The following RAB8B variants were observed in gnomAD, a reference collection of about 807,000 sequenced individuals.
RAB8B encodes the protein RAB8B, member RAS oncogene family, also known as ras-related protein Rab-8B.
In RAB8B, 11 loss-of-function variants were observed where a neutral mutation model predicts 32.0. The observed-to-expected ratio is 0.34, with a 90% CI of 0.22 to 0.57. The LOEUF is 0.57. Among genes scored for constraint, RAB8B ranks in the 20% least tolerant of loss-of-function variants. The pLI, the probability that RAB8B is intolerant of heterozygous loss-of-function variation, is 0.86. For synonymous variants in RAB8B, 103 were observed against 89.6 expected, an observed-to-expected ratio of 1.15 and a Z score of -0.85; for missense variants, 190 against 258.5, an observed-to-expected ratio of 0.73 and a Z score of 1.82.
At chr15:63,242,112 A>G (rs1427383304) in intron 1 of RAB8B, among the ~76,000 whole-genome samples, 1 of 151,206 alleles carries the variant, frequency 6.6e-6, no homozygotes, top group Non-Finnish European at 1.5e-5. Flanking sequence ...ATATTTATTA[A>G]TAATTTATGG....
chr15:63,230,483 G>A lies in RAB8B; in HGVS notation c.125-14273G>A, dbSNP rs185718212. On this transcript the variant is annotated intron_variant, in intron 1 of 7. Coordinates refer to ENST00000321437, the MANE Select transcript of RAB8B (RefSeq NM_016530.3). ...CACCTGGCTAATTTTTGTATTTTTA[G>A]TAGAGACACGGTTTCGCCACGTTGG... Among the ~76,000 whole-genome samples, 1,097 of 152,184 alleles carry A rather than the reference G, an allele frequency of 7.2e-3. 11 individuals carry two copies. The highest frequency in any genetic ancestry group is 0.025 in the African/African-American group (1,018 of 41,504).
At chr15:63,229,900 A>G (rs188596102) in intron 1 of RAB8B, among the ~76,000 whole-genome samples, 25 of 152,100 alleles carry the variant, frequency 1.6e-4, no homozygotes, top group Admixed American at 1.2e-3. Flanking sequence ...GAATGGCTAC[A>G]TATATAGATG....
intron 1 of RAB8B, among the ~76,000 whole-genome samples, chr15:63,224,287 A>G (rs1448803066): frequency 6.6e-6 from 1 of 152,232 alleles, no homozygotes; most frequent in Non-Finnish European, 1.5e-5. Flanking sequence ...GTTGGAAGAT[A>G]TTTATGTATA....
Position 63,259,260 on chromosome 15 carries a change from C to T in RAB8B, c.415-367C>T, listed in dbSNP as rs1475507445. On this transcript the variant is annotated intron_variant, in intron 5 of 7. Coordinates refer to ENST00000321437, the MANE Select transcript of RAB8B (RefSeq NM_016530.3). The surrounding 1 kb of genome is among the most constrained non-coding windows in gnomAD (Gnocchi z 4.4). ...TCAGCCTCCCGGGTAGCTGGGACTA[C>T]AGGCGGGTGCCACCACGCCCGGCTA... Among the ~76,000 whole-genome samples the T allele has an allele frequency of 6.6e-6, 1 of 151,868 alleles. No homozygotes were observed. The highest frequency in any genetic ancestry group is 1.5e-5 in the Non-Finnish European group (1 of 67,942).
At chr15:63,206,795 A>G (rs990679476) in intron 1 of RAB8B, among the ~76,000 whole-genome samples, 3 of 151,944 alleles carry the variant, frequency 2.0e-5, no homozygotes, top group African/African-American at 7.3e-5. Context: ...TAATTTCTTG[A>G]AAGAGAGAAG....
At chr15:63,202,215 T>C (rs2037658527) in intron 1 of RAB8B, among the ~76,000 whole-genome samples, 1 of 151,408 alleles carries the variant, frequency 6.6e-6, no homozygotes, top group African/African-American at 2.4e-5. Context: ...GAGGCAGAGC[T>C]TGCAGTGAGC....
chr15:63,205,073 G>A (rs1200422865), intron 1 of RAB8B, among the ~76,000 whole-genome samples: 2 of 152,176 alleles, frequency 1.3e-5, no homozygotes, highest in African/African-American at 2.4e-5. Flanking sequence ...CGAGGCAGGC[G>A]GATCACCTGA....
chr15:63,233,151 C>T lies in RAB8B; in HGVS notation c.125-11605C>T, dbSNP rs531158591. ...CATAGCTCACTGCAGCCTTTAACTC[C>T]TGGCCTCAAGCTATCCGCTCACTTC... On this transcript the variant is annotated intron_variant, in intron 1 of 7. Coordinates refer to ENST00000321437, the MANE Select transcript of RAB8B (RefSeq NM_016530.3). Among the ~76,000 whole-genome samples, 7 of 150,374 alleles carry T rather than the reference C, an allele frequency of 4.7e-5. No homozygotes were observed. In the South Asian group the frequency reaches 8.4e-4, roughly 18 times the overall value.
chr15:63,209,006 C>T (rs907521536), intron 1 of RAB8B, among the ~76,000 whole-genome samples: 2 of 151,210 alleles, frequency 1.3e-5, no homozygotes, highest in African/African-American at 2.4e-5. Context: ...GATTCTGCCT[C>T]AGCCTCCCGA....
intron 5 of RAB8B, among the ~76,000 whole-genome samples, chr15:63,258,024 C>T (rs895893283): frequency 5.4e-5 from 8 of 149,148 alleles, no homozygotes; most frequent in Non-Finnish European, 1.0e-4. Context: ...GATAGTGCCA[C>T]TGTACTCCTC....
chr15:63,239,231 T>C (rs2038010443), intron 1 of RAB8B, among the ~76,000 whole-genome samples: 1 of 152,132 alleles, frequency 6.6e-6, no homozygotes, highest in Admixed American at 6.5e-5. Flanking sequence ...CAGCTAATTA[T>C]TCTTTTAATC....
At chr15:63,249,731 C>G (rs912600823) in intron 3 of RAB8B, 26 bp downstream of exon 3, 2 of 1,601,044 alleles carry the variant, frequency 1.2e-6, no homozygotes, top group Non-Finnish European at 1.7e-6. Flanking sequence ...GGTTTTGTAA[C>G]TCTTCAGGTA....
chr15:63,202,409 T>C (rs1256058111), intron 1 of RAB8B, among the ~76,000 whole-genome samples: 9 of 152,230 alleles, frequency 5.9e-5, no homozygotes, highest in African/African-American at 2.2e-4. Context: ...ATGCATCAAG[T>C]TCCCTCTTGG....
intron 1 of RAB8B, among the ~76,000 whole-genome samples, chr15:63,192,548 T>C (rs2037565359): frequency 6.6e-6 from 1 of 152,228 alleles, no homozygotes; most frequent in African/African-American, 2.4e-5. Flanking sequence ...ACGGAAAAGA[T>C]GTATTTCTCA....
At chr15:63,206,272 G>A (rs756067027) in intron 1 of RAB8B, among the ~76,000 whole-genome samples, 4 of 151,680 alleles carry the variant, frequency 2.6e-5, no homozygotes, top group Non-Finnish European at 4.4e-5. Flanking sequence ...CATTTATGCC[G>A]CACATAAATA....
At chr15:63,231,749 G>A (rs1352047964) in intron 1 of RAB8B, among the ~76,000 whole-genome samples, 2 of 152,184 alleles carry the variant, frequency 1.3e-5, no homozygotes, top group Non-Finnish European at 2.9e-5. Flanking sequence ...TGAATTAATA[G>A]TGGGGAAAGA....
At chr15:63,199,344 C>T (rs2037628657) in intron 1 of RAB8B, among the ~76,000 whole-genome samples, 1 of 152,152 alleles carries the variant, frequency 6.6e-6, no homozygotes, top group Non-Finnish European at 1.5e-5. Flanking sequence ...TTCGATTTTT[C>T]TCTTACATTG....
At position 63,259,572 on chromosome 15, in the gene RAB8B, C is replaced by A; in HGVS notation, c.415-55C>A. On this transcript the variant is annotated intron_variant, in intron 5 of 7. Transcript: ENST00000321437. The surrounding 1 kb of genome is among the most constrained non-coding windows in gnomAD (Gnocchi z 4.4). ...TTGAAAAACCTAAGAAATACAAATGCATTATGTGTTCAAGTATCTTTTGCT... is the reference window on the plus strand; with the variant it reads ...TTGAAAAACCTAAGAAATACAAATGAATTATGTGTTCAAGTATCTTTTGCT... 1 of 1,434,036 alleles carries A rather than the reference C, an allele frequency of 7.0e-7. No individual in the cohort carries two copies. 88.8% of individuals were successfully genotyped at this position (1,434,036 alleles called of 1,614,324 possible).
Position 63,244,747 on chromosome 15 carries a change from T to C in RAB8B, c.125-9T>C, listed in dbSNP as rs1243671409. 2 of 1,553,842 alleles carry C rather than the reference T, an allele frequency of 1.3e-6. No individual in the cohort carries two copies. Among genetic ancestry groups the C allele is most frequent in the Non-Finnish European group, 1.8e-6 (2 of 1,129,548 alleles). ...AAACTTAACATATCTTTCTTTGTTT[T>C]TCTGGCAGGAATTGATTTTAAAATT... On this transcript the variant is annotated splice_polypyrimidine_tract_variant and intron_variant, in intron 1 of 7. Coordinates refer to ENST00000321437, the MANE Select transcript of RAB8B (RefSeq NM_016530.3).
Sources: allele counts gnomAD v4.1 joint callset (sites outside exome capture counted in the v4.1 genomes callset), GRCh38; gene constraint gnomAD v4.1.1; non-coding constraint Gnocchi (gnomAD v3.1); transcripts MANE v1.5; gene names NCBI Gene and HGNC (gene_info 2026-07-23, HGNC 2026-07-21).